Variants in FHIT observed in about 807,000 individuals in gnomAD.
FHIT encodes the protein bis(5'-adenosyl)-triphosphatase.
FHIT carries 19 observed loss-of-function variants against 17.9 expected under a neutral mutation model. The ratio of observed to expected loss-of-function variants is 1.06; its 90% CI spans 0.74 to 1.56. FHIT has a LOEUF of 1.56. Among genes scored for constraint, FHIT ranks in the 40% most tolerant of loss-of-function variants. The pLI is 0.00. For missense variants in FHIT, 248 were observed against 189.2 expected (o/e 1.31, Z -1.82); for synonymous variants, 81 against 69.7 (o/e 1.16, Z -0.81).
intron 5 of FHIT, among the ~76,000 whole-genome samples, chr3:60,052,414 T>C (rs1481999905): frequency 6.6e-6 from 1 of 152,174 alleles, no homozygotes; most frequent in Non-Finnish European, 1.5e-5. Context: ...ATGTACTTCT[T>C]GGTAACTCAT....
rs1323795626 is a variant in FHIT at position 59,972,368 on chromosome 3, T to G, written c.279+39003A>C. Among the ~76,000 whole-genome samples the G allele has an allele frequency of 2.6e-5, 4 of 152,198 alleles. No individual in the cohort carries two copies. The South Asian group carries it at 8.3e-4, about 32-fold the overall frequency. On this transcript the variant is annotated intron_variant, in intron 7 of 9. Transcript: ENST00000492590. ...TCTCATGAAGAACTGGGGCTACCTG[T>G]GAAGCTTGGTTCACTAGCCATCCCC...
chr3:61,065,085 G>A (rs1456603643), intron 2 of FHIT, among the ~76,000 whole-genome samples: 1 of 152,016 alleles, frequency 6.6e-6, no homozygotes, highest in African/African-American at 2.4e-5. Flanking sequence ...GACTGATTGG[G>A]TACCATCCAG....
intron 5 of FHIT, among the ~76,000 whole-genome samples, chr3:60,479,911 A>C: frequency 6.6e-6 from 1 of 152,198 alleles, no homozygotes; most frequent in East Asian, 1.9e-4. Flanking sequence ...TGGTGCCAAA[A>C]AGGTTGGGGG....
intron 5 of FHIT, among the ~76,000 whole-genome samples, chr3:60,327,750 T>C (rs1709768843): frequency 6.6e-6 from 1 of 152,196 alleles, no homozygotes; most frequent in East Asian, 1.9e-4. Context: ...CCTCAGTGAC[T>C]GGAGATGGTC....
At chr3:60,945,424 G>A (rs997524656) in intron 3 of FHIT, among the ~76,000 whole-genome samples, 8 of 152,046 alleles carry the variant, frequency 5.3e-5, no homozygotes, top group East Asian at 3.9e-4. Context: ...ATAGAGTCTC[G>A]CTCTGTCACC....
chr3:59,918,873 C>T (rs1007888633), intron 8 of FHIT, among the ~76,000 whole-genome samples: 1 of 152,032 alleles, frequency 6.6e-6, no homozygotes, highest in Non-Finnish European at 1.5e-5. Flanking sequence ...AAAAATAAAA[C>T]ACATGTGAAG....
intron 4 of FHIT, among the ~76,000 whole-genome samples, chr3:60,783,867 A>C (rs1032237658): frequency 2.6e-5 from 4 of 152,184 alleles, no homozygotes; most frequent in African/African-American, 9.7e-5. Flanking sequence ...TTCTAATCCC[A>C]ATGCCCCTTT....
rs547583494 is a variant in FHIT, at chr3:60,288,041, G to A, written c.103+248819C>T. Among the ~76,000 whole-genome samples the A allele has an allele frequency of 1.2e-3, 187 of 152,268 alleles. 1 individual carries two copies. Among genetic ancestry groups the A allele is most frequent in the Non-Finnish European group, 1.3e-3 (91 of 68,016 alleles). ...CTGACTCAAGGTCTCTGGGAAACTG[G>A]AGTCACAACACCCACCAGGTTGGGA... On this transcript the variant is annotated intron_variant, in intron 5 of 9. Transcript: ENST00000492590.
At chr3:60,473,689 T>A (rs190230780) in intron 5 of FHIT, among the ~76,000 whole-genome samples, 24 of 152,068 alleles carry the variant, frequency 1.6e-4, no homozygotes, top group Admixed American at 5.9e-4. Flanking sequence ...GAGGCAAAGG[T>A]TGGTAGATTG....
At chr3:60,269,866 T>C (rs1209143799) in intron 5 of FHIT, among the ~76,000 whole-genome samples, 2 of 152,160 alleles carry the variant, frequency 1.3e-5, no homozygotes, top group African/African-American at 2.4e-5. Flanking sequence ...TTTCGGTTCA[T>C]AAAAAATGGG....
At chr3:60,088,826 T>C (rs1015333759) in intron 5 of FHIT, among the ~76,000 whole-genome samples, 3 of 152,340 alleles carry the variant, frequency 2.0e-5, no homozygotes, top group Middle Eastern at 3.4e-3. Context: ...GTACTAGGCA[T>C]ACCATTTGCT....
intron 4 of FHIT, among the ~76,000 whole-genome samples, chr3:60,751,623 C>A (rs2108032537): frequency 6.6e-6 from 1 of 152,246 alleles, no homozygotes. Flanking sequence ...TTATACTACC[C>A]ACTGTTGGTG....
intron 4 of FHIT, among the ~76,000 whole-genome samples, chr3:60,604,092 G>A (rs2038530818): frequency 6.6e-6 from 1 of 152,132 alleles, no homozygotes; most frequent in Non-Finnish European, 1.5e-5. Context: ...TTATAGCAAT[G>A]GGAGTACATT....
intron 4 of FHIT, among the ~76,000 whole-genome samples, chr3:60,807,409 C>CAA (rs5849392): frequency 7.1e-5 from 10 of 141,770 alleles, no homozygotes; most frequent in African/African-American, 2.4e-4. Flanking sequence ...CCTGTCTCTA[C>CAA]AAAAAAAAAG....
chr3:60,310,993 C>G (rs1320031674), intron 5 of FHIT, among the ~76,000 whole-genome samples: 1 of 152,086 alleles, frequency 6.6e-6, no homozygotes, highest in Non-Finnish European at 1.5e-5. Context: ...TCTTTTCCAC[C>G]CCAGTACAGT....
chr3:60,437,647 T>C (rs539970799), intron 5 of FHIT, among the ~76,000 whole-genome samples: 2 of 152,206 alleles, frequency 1.3e-5, no homozygotes, highest in South Asian at 4.1e-4. Flanking sequence ...GATACTCAGG[T>C]TGTGTTATTT....
intron 7 of FHIT, among the ~76,000 whole-genome samples, chr3:59,927,158 G>A (rs577763053): frequency 5.3e-5 from 8 of 152,168 alleles, no homozygotes; most frequent in African/African-American, 9.7e-5. Context: ...AGTGATGTGC[G>A]CTGAGTGAAA....
chr3:60,461,120 C>T (rs980498129), intron 5 of FHIT, among the ~76,000 whole-genome samples: 22 of 152,184 alleles, frequency 1.4e-4, no homozygotes, highest in South Asian at 4.1e-4. Context: ...AAAATTTTTT[C>T]TTCACACTGA....
At chr3:59,920,273 AT>A (rs1705338511) in intron 8 of FHIT, among the ~76,000 whole-genome samples, 1 of 152,180 alleles carries the variant, frequency 6.6e-6, no homozygotes, top group Non-Finnish European at 1.5e-5. Context: ...CTAGACTTCA[AT>A]CTCTACATAG....
Sources: gnomAD v4.1 joint callset for allele counts (sites outside exome capture counted in the v4.1 genomes callset) on GRCh38, gnomAD v4.1.1 for gene constraint, MANE v1.5 for transcripts, NCBI Gene and HGNC (gene_info 2026-07-23, HGNC 2026-07-21) for gene names.